Variants in WIPI2 observed in about 807,000 individuals in gnomAD.
The protein encoded by WIPI2 is WD repeat domain phosphoinositide-interacting protein 2.
WIPI2 carries 28 observed loss-of-function variants against 52.3 expected under a neutral mutation model. The observed-to-expected ratio is 0.54, with a 90% CI of 0.40 to 0.73. The LOEUF is 0.73. WIPI2 is among the 30% of genes least tolerant of loss of function. WIPI2 has a pLI of 0.00. For synonymous variants in WIPI2, 268 were observed against 245.0 expected, an observed-to-expected ratio of 1.09 and a Z score of -0.88; for missense variants, 506 against 602.9, an observed-to-expected ratio of 0.84 and a Z score of 1.68.
At chr7:5,197,175 G>T (rs1369954345) in intron 2 of WIPI2, among the ~76,000 whole-genome samples, 1 of 142,964 alleles carries the variant, frequency 7.0e-6, no homozygotes, top group African/African-American at 2.6e-5. Context: ...TAGCACTACA[G>T]TCTGGCTGTT....
At chr7:5,228,277 C>G in intron 11 of WIPI2, 66 bp downstream of exon 11, 1 of 1,406,756 alleles carries the variant, frequency 7.1e-7, no homozygotes, top group Non-Finnish European at 9.6e-7. Context: ...GGGCACCTGG[C>G]GAACGTTTGT....
chr7:5,211,697 A>G (rs1209474180), intron 3 of WIPI2, among the ~76,000 whole-genome samples: 2 of 152,172 alleles, frequency 1.3e-5, no homozygotes, highest in African/African-American at 4.8e-5. Context: ...GTACTTAATA[A>G]AAAACCAGTT....
chr7:5,227,965 G>T lies in WIPI2; in HGVS notation c.1014-139G>T. Reference sequence around the variant, plus strand: ...TTGGCCGTGTGAGCCGAGGTCAGTGGGGCGCCAGACACCTGCAGCTGCCCT... The same window carrying T: ...TTGGCCGTGTGAGCCGAGGTCAGTGTGGCGCCAGACACCTGCAGCTGCCCT... On this transcript the variant is annotated intron_variant, in intron 10 of 12. Coordinates refer to ENST00000288828, the MANE Select transcript of WIPI2 (RefSeq NM_015610.4). This position sits in a 1 kb window ranked among gnomAD's most constrained non-coding sequence, Gnocchi z 8.1. 1 of 787,536 alleles carries T rather than the reference G, an allele frequency of 1.3e-6. No individual in the cohort carries two copies. 48.8% of individuals were successfully genotyped at this position (787,536 alleles called of 1,614,324 possible).
intron 3 of WIPI2, chr7:5,214,178 T>G: frequency 1.0e-6 from 1 of 994,762 alleles, no homozygotes; most frequent in Non-Finnish European, 1.3e-6. Context: ...AGTTTCGTAG[T>G]AGTTTGTGTC....
At chr7:5,202,586 A>C (rs550767298) in intron 3 of WIPI2, among the ~76,000 whole-genome samples, 1 of 151,702 alleles carries the variant, frequency 6.6e-6, no homozygotes, top group Non-Finnish European at 1.5e-5. Context: ...GGGTCTTACT[A>C]TGTTGCCCAG....
In WIPI2 at chr7:5,229,632, C is replaced by G. The variant is rs149481715; in HGVS notation, c.1146C>G (p.Thr382=). ...QHRLDGSLET[T]NEILDSASHD... is the part of the protein sequence containing the mutation. ...GGCTGGACGGCAGTCTGGAAACGAC[C>G]AATGAGATCTTGGACTCTGCCTCTC... Residue 382 remains threonine (T), a synonymous_variant, in exon 12 of 13, where the codon ACC becomes ACG. Coordinates refer to ENST00000288828, the MANE Select transcript of WIPI2 (RefSeq NM_015610.4). 3.1e-6 allele frequency: 5 copies of G among 1,613,758 alleles called. No individual in the cohort carries two copies. The South Asian group carries it at 3.3e-5, about 11-fold the overall frequency.
chr7:5,190,375 C>T lies in WIPI2; in HGVS notation c.-45C>T. The T allele has an allele frequency of 1.5e-6, 2 of 1,304,176 alleles. No individual in the cohort carries two copies. Among genetic ancestry groups the T allele is most frequent in the Non-Finnish European group, 2.0e-6 (2 of 1,020,712 alleles). The allele number at this position is 1,304,176 out of a possible 1,614,324, so 80.8% of individuals were successfully genotyped here. ...CTGAGTGCAGCCTGACCCGCCCTCG[C>T]GCGCGCGCCCTCCCCGGCCGGGCCC... On this transcript the variant is annotated 5_prime_UTR_variant, in exon 1 of 13. Coordinates refer to ENST00000288828, the MANE Select transcript of WIPI2 (RefSeq NM_015610.4).
rs1028034502 is a variant in WIPI2 at position 5,226,152 on chromosome 7, A to G, written c.848+222A>G. 5.5e-6 allele frequency: 3 copies of G among 548,192 alleles called. No individual in the cohort carries two copies. In the African/African-American group the frequency reaches 5.7e-5, roughly 10 times the overall value. 34.0% of individuals were successfully genotyped at this position (548,192 alleles called of 1,614,324 possible). A position where few individuals can be genotyped will look rare whatever the true frequency, so the allele number is the denominator to read the frequency against. ...CTCCCACAGGCAGCACGCAGGGTAG[A>G]CAGAGCCCTCGCGTAGGGCATGGAG... On this transcript the variant is annotated intron_variant, in intron 9 of 12. Coordinates refer to ENST00000288828, the MANE Select transcript of WIPI2 (RefSeq NM_015610.4).
At position 5,227,828 on chromosome 7, in the gene WIPI2, C is replaced by T. The variant is rs1783513297; in HGVS notation, c.1014-276C>T. Among the ~76,000 whole-genome samples the T allele has an allele frequency of 6.6e-6, 1 of 152,172 alleles. No homozygotes were observed. The highest frequency in any genetic ancestry group is 1.5e-5 in the Non-Finnish European group (1 of 68,028). On this transcript the variant is annotated intron_variant, in intron 10 of 12. Transcript: ENST00000288828. The surrounding 1 kb of genome is among the most constrained non-coding windows in gnomAD (Gnocchi z 8.1). The stretch of plus-strand genomic sequence containing the variant: ...CCAGTTTTGTTATCTGACTAGCATC[C>T]TGGAAAACTTCTCTGACGATGACTA...
intron 7 of WIPI2, among the ~76,000 whole-genome samples, chr7:5,220,389 C>T (rs990212959): frequency 4.0e-5 from 6 of 151,782 alleles, no homozygotes; most frequent in South Asian, 2.1e-4. Context: ...ATTACAAGCG[C>T]GCGCCACCAC....
chr7:5,223,241 T>C (rs1277495767), intron 8 of WIPI2, among the ~76,000 whole-genome samples: 2 of 152,204 alleles, frequency 1.3e-5, no homozygotes, highest in Admixed American at 6.5e-5. Context: ...CCTCGGGCTC[T>C]GGAGCCCGTG....
Position 5,229,744 on chromosome 7 carries a change from G to A in WIPI2, c.1252+6G>A. ...TTCATCCCCAACGAGACTTGGTAAG[G>A]GGCGTGACGCAAACCTGGAAGGTAA... On this transcript the variant is annotated splice_donor_region_variant and intron_variant, in intron 12 of 12. Coordinates refer to ENST00000288828, the MANE Select transcript of WIPI2 (RefSeq NM_015610.4). The A allele has an allele frequency of 6.2e-7, 1 of 1,613,538 alleles. No homozygotes were observed. The highest frequency in any genetic ancestry group is 2.2e-5 in the East Asian group (1 of 44,870).
At position 5,229,119 on chromosome 7, in the gene WIPI2, G is replaced by A. The variant is rs1279716432; in HGVS notation, c.1122-489G>A. 2.0e-5 allele frequency among the ~76,000 whole-genome samples: 3 copies of A among 152,260 alleles called. No individual in the cohort carries two copies. In the South Asian group the frequency reaches 6.2e-4, roughly 32 times the overall value. On this transcript the variant is annotated intron_variant, in intron 11 of 12. Transcript: ENST00000288828. ...CAATCTCCGCCTCCCAGGTTCAAGC[G>A]ATTCTCCTGCCTCAGCCTCCCGAGT...
chr7:5,203,514 C>T (rs935202873), intron 3 of WIPI2, among the ~76,000 whole-genome samples: 2 of 151,710 alleles, frequency 1.3e-5, no homozygotes, highest in Non-Finnish European at 2.9e-5. Flanking sequence ...GTCAGGCAAT[C>T]TCTAGGAGGG....
intron 7 of WIPI2, among the ~76,000 whole-genome samples, chr7:5,221,934 C>T (rs559312389): frequency 6.6e-5 from 10 of 150,394 alleles, no homozygotes; most frequent in Non-Finnish European, 1.2e-4. Flanking sequence ...GTGTACCACA[C>T]ACAAATCCAG....
rs760639332 is a variant in WIPI2 at position 5,193,220 on chromosome 7, T to A, written c.128+49T>A. On this transcript the variant is annotated intron_variant, in intron 2 of 12. Coordinates refer to ENST00000288828, the MANE Select transcript of WIPI2 (RefSeq NM_015610.4). ...AAAGTATCACCTTGGAAGGCTTATG[T>A]TAGAGGACTTTTTTGGCTTTTTGAA... is the stretch of plus-strand genomic sequence containing the variant. The A allele has an allele frequency of 6.9e-6, 11 of 1,592,610 alleles. 1 individual carries two copies. Among genetic ancestry groups the A allele is most frequent in the Non-Finnish European group, 6.8e-6 (8 of 1,170,220 alleles).
chr7:5,207,768 C>CT (rs35296190), intron 3 of WIPI2, among the ~76,000 whole-genome samples: 66,227 of 107,152 alleles, frequency 0.62, 22,182 homozygotes, highest in Admixed American at 0.72. Flanking sequence ...TCCTCACTAA[C>CT]TTTTTTTTTT....
chr7:5,225,280 A>G (rs571373957), intron 8 of WIPI2, among the ~76,000 whole-genome samples: 3 of 152,186 alleles, frequency 2.0e-5, no homozygotes, highest in African/African-American at 7.2e-5. Context: ...AGCTGGGACT[A>G]CAGGCACCCG....
intron 3 of WIPI2, among the ~76,000 whole-genome samples, chr7:5,211,225 AC>A (rs1782544031): frequency 6.6e-6 from 1 of 152,300 alleles, no homozygotes; most frequent in East Asian, 1.9e-4. Flanking sequence ...TAATCCAAGC[AC>A]TTTGGGAGGC....
Sources: gnomAD v4.1 joint callset for allele counts (sites outside exome capture counted in the v4.1 genomes callset) on GRCh38, gnomAD v4.1.1 for gene constraint, Gnocchi (gnomAD v3.1) non-coding constraint, MANE v1.5 for transcripts, NCBI Gene and HGNC (gene_info 2026-07-23, HGNC 2026-07-21) for gene names.